CLSTN2: variants seen among roughly 807,000 people sequenced by gnomAD.
CLSTN2 encodes calsyntenin 2, also known as calsyntenin-2.
Under a neutral mutation model 101.2 loss-of-function variants are expected in CLSTN2, and 48 were observed. The ratio of observed to expected loss-of-function variants is 0.47; its 90% CI spans 0.38 to 0.60. The LOEUF is 0.60. Ranked by LOEUF, CLSTN2 falls within the 20% of genes least tolerant of loss-of-function variation. The pLI is 0.00. For synonymous variants in CLSTN2, 481 were observed against 463.6 expected, an observed-to-expected ratio of 1.04 and a Z score of -0.48; for missense variants, 1,160 against 1,238.2, an observed-to-expected ratio of 0.94 and a Z score of 0.95.
At chr3:140,259,383 A>G (rs1370806322) in intron 2 of CLSTN2, among the ~76,000 whole-genome samples, 1 of 152,146 alleles carries the variant, frequency 6.6e-6, no homozygotes. Flanking sequence ...CTAAGGCAGG[A>G]GAATCACTTG....
chr3:140,124,571 C>T (rs934957902), intron 1 of CLSTN2, among the ~76,000 whole-genome samples: 1 of 152,096 alleles, frequency 6.6e-6, no homozygotes, highest in East Asian at 1.9e-4. Context: ...AAAGATAAGT[C>T]CCCTGTATTT....
chr3:140,332,612 C>T (rs78822868), intron 2 of CLSTN2, among the ~76,000 whole-genome samples: 120 of 151,872 alleles, frequency 7.9e-4, no homozygotes, highest in African/African-American at 2.7e-3. Context: ...CTGGAAGGTG[C>T]TGAGCAAATG....
intron 2 of CLSTN2, among the ~76,000 whole-genome samples, chr3:140,239,914 C>G (rs115901126): frequency 0.015 from 1,295 of 86,470 alleles, 19 homozygotes; most frequent in African/African-American, 0.047. Flanking sequence ...CACAAACACT[C>G]ATATTTATGT....
rs2008564475 is a variant in CLSTN2, at chr3:140,080,140, C to T, written c.110-95811C>T. On this transcript the variant is annotated intron_variant, in intron 1 of 16. Transcript: ENST00000458420. ...CCCAGTCTCGTGGTCTTTCTGCAGC[C>T]TCATGATAGAGCAAGGATATTGTCA... Among the ~76,000 whole-genome samples the T allele has an allele frequency of 3.9e-5, 6 of 152,278 alleles. No individual in the cohort carries two copies. The South Asian group carries it at 1.0e-3, about 26-fold the overall frequency.
intron 1 of CLSTN2, among the ~76,000 whole-genome samples, chr3:139,973,581 C>T (rs968450543): frequency 3.9e-5 from 6 of 152,128 alleles, no homozygotes; most frequent in African/African-American, 1.4e-4. Flanking sequence ...GGCTCTGACC[C>T]TGCCTGGCTG....
chr3:140,249,439 A>G (rs2107874291), intron 2 of CLSTN2, among the ~76,000 whole-genome samples: 1 of 152,284 alleles, frequency 6.6e-6, no homozygotes. Context: ...AGCTCTCAGG[A>G]GGAAATGACA....
rs1379801642 is a variant in CLSTN2 at position 140,532,499 on chromosome 3, GA to G, written c.1507+16del. 6.2e-7 allele frequency: 1 copy of G among 1,607,186 alleles called. No homozygotes were observed. Among genetic ancestry groups the G allele is most frequent in the Non-Finnish European group, 8.5e-7 (1 of 1,175,774 alleles). ...GCTTGTTGGCAAGGTAATCCTAAGT[GA>G]AACCCTTTTCTCTGACCTGTTTGTG... On this transcript the variant is annotated intron_variant, in intron 9 of 16. Transcript: ENST00000458420.
intron 6 of CLSTN2, chr3:140,453,384 A>G (rs772199604): frequency 1.3e-5 from 2 of 152,212 alleles, no homozygotes; most frequent in Non-Finnish European, 2.9e-5. Context: ...CTCAGGATTT[A>G]TATACATGTG....
intron 9 of CLSTN2, among the ~76,000 whole-genome samples, chr3:140,536,415 T>C (rs1055052271): frequency 1.3e-5 from 2 of 152,136 alleles, no homozygotes; most frequent in Non-Finnish European, 2.9e-5. Context: ...TGCAAGACCA[T>C]AGCATGATCT....
At chr3:140,247,633 G>A (rs772161928) in intron 2 of CLSTN2, among the ~76,000 whole-genome samples, 2 of 152,290 alleles carry the variant, frequency 1.3e-5, no homozygotes, top group Non-Finnish European at 1.5e-5. Flanking sequence ...ATGGCCTTGG[G>A]TGTGTTTGTT....
intron 2 of CLSTN2, among the ~76,000 whole-genome samples, chr3:140,262,250 A>G (rs2086659547): frequency 6.6e-6 from 1 of 152,194 alleles, no homozygotes; most frequent in Non-Finnish European, 1.5e-5. Flanking sequence ...GTTGGCAATC[A>G]AGCTCAGCAT....
chr3:140,194,082 A>C (rs1023808547), intron 2 of CLSTN2, among the ~76,000 whole-genome samples: 3 of 152,074 alleles, frequency 2.0e-5, no homozygotes, highest in African/African-American at 7.2e-5. Flanking sequence ...ATGTGTTTTT[A>C]TCATGGCTAC....
chr3:140,563,953 T>C lies in CLSTN2; in HGVS notation c.2483-8T>C, dbSNP rs1559906181. ...CACCATGTCATGCGAGTTTTTTCCTTGTTCCAGTGGTCCCAAGCATTGCCA... is the reference window on the plus strand; with the variant it reads ...CACCATGTCATGCGAGTTTTTTCCTCGTTCCAGTGGTCCCAAGCATTGCCA... On this transcript the variant is annotated splice_polypyrimidine_tract_variant and splice_region_variant and intron_variant, in intron 15 of 16. Transcript: ENST00000458420. 1 of 1,612,634 alleles carries C rather than the reference T, an allele frequency of 6.2e-7. No individual in the cohort carries two copies.
Position 140,459,769 on chromosome 3 carries a change from G to A in CLSTN2, c.1222G>A (p.Glu408Lys), listed in dbSNP as rs767520548. 29 of 1,610,530 alleles carry A rather than the reference G, an allele frequency of 1.8e-5. No individual in the cohort carries two copies. The highest frequency in any genetic ancestry group is 8.8e-5 in the South Asian group (8 of 90,792). Residue 408 changes from glutamate (E) to lysine (K), a missense_variant and splice_region_variant, in exon 7 of 17, where the codon GAA becomes AAA. Glu to Lys is a moderately conservative substitution (Grantham distance 56). Coordinates refer to ENST00000458420, the MANE Select transcript of CLSTN2 (RefSeq NM_022131.3). ...CATCCTCTGCAACTCAGACAAAACCGGTGAGTCTCTAGCCCAGCCCTTCCA... is the reference window on the plus strand; with the variant it reads ...CATCCTCTGCAACTCAGACAAAACCAGTGAGTCTCTAGCCCAGCCCTTCCA... ...ETILCNSDKT[E>K]MNRHHYALYV...
At chr3:140,407,280 G>T (rs2088314681) in intron 4 of CLSTN2, among the ~76,000 whole-genome samples, 2 of 152,156 alleles carry the variant, frequency 1.3e-5, no homozygotes, top group African/African-American at 2.4e-5. Context: ...TGAGGCCTAG[G>T]TTTCCCCTAC....
chr3:140,176,869 G>A (rs2010333174), intron 2 of CLSTN2, among the ~76,000 whole-genome samples: 1 of 152,242 alleles, frequency 6.6e-6, no homozygotes, highest in Admixed American at 6.5e-5. Context: ...AAGATTTCTA[G>A]AAGATTGTTT....
In CLSTN2 at chr3:140,566,330, C is replaced by T; in HGVS notation, c.*77C>T. On this transcript the variant is annotated 3_prime_UTR_variant, in exon 17 of 17. Transcript: ENST00000458420. ...CAGTGTATGCCCATGTCTATCATAC[C>T]TCACCTCTGATGTCTGTGACATGTC... The T allele has an allele frequency of 7.2e-7, 1 of 1,379,650 alleles. No homozygotes were observed. The highest frequency in any genetic ancestry group is 1.4e-5 in the African/African-American group (1 of 69,898). The allele number at this position is 1,379,650 out of a possible 1,614,324, so 85.5% of individuals were successfully genotyped here. A position where few individuals can be genotyped will look rare whatever the true frequency, so the allele number is the denominator to read the frequency against.
chr3:140,070,303 C>T (rs1424956340), intron 1 of CLSTN2, among the ~76,000 whole-genome samples: 3 of 152,174 alleles, frequency 2.0e-5, no homozygotes, highest in Non-Finnish European at 4.4e-5. Context: ...ACAAATGTTG[C>T]ATACAATTTC....
rs931201145 is a variant in CLSTN2 at position 140,576,940 on chromosome 3, A to T, written c.*10687A>T. On this transcript the variant is annotated 3_prime_UTR_variant, in exon 17 of 17. Transcript: ENST00000458420. ...ACTGTATGAATTTATAGAAAATTGA[A>T]TCTAATTTCAGAAGAGCGCACTGTC... 6.6e-6 allele frequency: 1 copy of T among 152,220 alleles called. No homozygotes were observed. Among genetic ancestry groups the T allele is most frequent in the Non-Finnish European group, 1.5e-5 (1 of 68,040 alleles). The allele number at this position is 152,220 out of a possible 1,614,324, so 9.4% of individuals were successfully genotyped here. A position where few individuals can be genotyped will look rare whatever the true frequency, so the allele number is the denominator to read the frequency against.
Sources: gnomAD v4.1 joint callset for allele counts (sites outside exome capture counted in the v4.1 genomes callset) on GRCh38, gnomAD v4.1.1 for gene constraint, MANE v1.5 for transcripts, NCBI Gene and HGNC (gene_info 2026-07-23, HGNC 2026-07-21) for gene names.